FTO: variants seen among roughly 807,000 people sequenced by gnomAD.
The protein encoded by FTO is FTO alpha-ketoglutarate dependent dioxygenase, also known as alpha-ketoglutarate-dependent dioxygenase FTO.
A neutral mutation model predicts 63.9 loss-of-function variants in FTO; 47 were observed. That is an observed-to-expected ratio of 0.74 (90% CI 0.58 to 0.94). The LOEUF (loss-of-function observed/expected upper bound fraction) is 0.94, where lower values mean the gene tolerates loss of function less well. FTO is among the 40% of genes least tolerant of loss of function. The probability of loss-of-function intolerance (pLI) is 0.00; values close to 1 mark genes in which losing one functional copy is unlikely to be tolerated. For missense variants in FTO, 562 were observed against 618.1 expected (o/e 0.91, Z 0.96); for synonymous variants, 207 against 224.4 (o/e 0.92, Z 0.69).
intron 8 of FTO, among the ~76,000 whole-genome samples, chr16:53,962,334 A>G (rs541878673): frequency 2.7e-4 from 41 of 152,232 alleles, no homozygotes; most frequent in Non-Finnish European, 5.0e-4. Context: ...ACTGACCCCA[A>G]TCATAACGTT....
At chr16:53,977,208 A>G (rs2083452560) in intron 8 of FTO, among the ~76,000 whole-genome samples, 1 of 152,060 alleles carries the variant, frequency 6.6e-6, no homozygotes, top group Non-Finnish European at 1.5e-5. Flanking sequence ...TTAATCAGAT[A>G]TTGTTTTGAG....
chr16:53,866,635 G>A (rs1014098531), intron 4 of FTO, among the ~76,000 whole-genome samples: 3 of 151,870 alleles, frequency 2.0e-5, no homozygotes, highest in African/African-American at 7.3e-5. Context: ...ATTTTTTATA[G>A]GTTTTCAGAT....
At chr16:53,959,037 T>C (rs2083002357) in intron 8 of FTO, among the ~76,000 whole-genome samples, 1 of 152,250 alleles carries the variant, frequency 6.6e-6, no homozygotes, top group Non-Finnish European at 1.5e-5. Context: ...ATAATAATAC[T>C]AACTAGTACA....
At chr16:53,985,557 AAAG>A (rs2083646902) in intron 8 of FTO, among the ~76,000 whole-genome samples, 1 of 152,176 alleles carries the variant, frequency 6.6e-6, no homozygotes, top group Non-Finnish European at 1.5e-5. Context: ...TTTATAAATA[AAAG>A]AAGAATAAAC....
At position 54,115,810 on chromosome 16, in the gene FTO, C is replaced by G. The variant is rs2086971220; in HGVS notation, c.*3895C>G. The G allele has an allele frequency of 6.6e-6, 1 of 152,210 alleles. No homozygotes were observed. Among genetic ancestry groups the G allele is most frequent in the Admixed American group, 6.5e-5 (1 of 15,282 alleles). 9.4% of individuals were successfully genotyped at this position (152,210 alleles called of 1,614,324 possible). A position where few individuals can be genotyped will look rare whatever the true frequency, so the allele number is the denominator to read the frequency against. On this transcript the variant is annotated 3_prime_UTR_variant, in exon 9 of 9. Transcript: ENST00000471389. ...TATTTTTATGCATTAGATCATCGCT[C>G]TATCTGGATTCCAGAGGGTCTCTGA...
At chr16:53,857,665 C>T (rs887557135) in intron 4 of FTO, among the ~76,000 whole-genome samples, 5 of 152,120 alleles carry the variant, frequency 3.3e-5, no homozygotes, top group African/African-American at 1.2e-4. Context: ...CTCCTTCCCC[C>T]ACACAAAGGG....
At position 53,945,373 on chromosome 16, in the gene FTO, G is replaced by C. The variant is rs536333658; in HGVS notation, c.1364+11264G>C. Reference sequence around the variant, plus strand: ...GAAAACCGAGGCACAGAGGTGCAGAGTAACTTGCCCAAGGCAACAGCTAGT... The same window carrying C: ...GAAAACCGAGGCACAGAGGTGCAGACTAACTTGCCCAAGGCAACAGCTAGT... On this transcript the variant is annotated intron_variant, in intron 8 of 8. Coordinates refer to ENST00000471389, the MANE Select transcript of FTO (RefSeq NM_001080432.3). Among the ~76,000 whole-genome samples the C allele has an allele frequency of 8.5e-5, 13 of 152,360 alleles. No homozygotes were observed. In the South Asian group the frequency reaches 1.2e-3, roughly 15 times the overall value.
At chr16:53,790,884 A>C (rs1273377746) in intron 1 of FTO, among the ~76,000 whole-genome samples, 1 of 152,172 alleles carries the variant, frequency 6.6e-6, no homozygotes, top group Non-Finnish European at 1.5e-5. Flanking sequence ...GCTCTTTAGG[A>C]AGTTTAGTAG....
At chr16:53,807,595 T>G (rs1483693142) in intron 1 of FTO, among the ~76,000 whole-genome samples, 2 of 152,208 alleles carry the variant, frequency 1.3e-5, no homozygotes, top group Non-Finnish European at 2.9e-5. Context: ...ATATGTAGAT[T>G]AGCTTTACTG....
intron 1 of FTO, among the ~76,000 whole-genome samples, chr16:53,710,165 A>G (rs992408028): frequency 6.9e-6 from 1 of 145,370 alleles, no homozygotes; most frequent in African/African-American, 2.7e-5. Context: ...TGTGCAAGCT[A>G]TCTTTTATTT....
intron 2 of FTO, among the ~76,000 whole-genome samples, chr16:53,817,249 C>T (rs1381330461): frequency 1.3e-5 from 2 of 152,154 alleles, no homozygotes; most frequent in Admixed American, 6.5e-5. Flanking sequence ...GCACATGTTA[C>T]CTCAAGTCTT....
At chr16:54,052,629 G>A (rs2085338383) in intron 8 of FTO, 1 of 152,224 alleles carries the variant, frequency 6.6e-6, no homozygotes, top group South Asian at 2.1e-4. Flanking sequence ...TCCATGTGGA[G>A]CATTATGGTT....
intron 1 of FTO, among the ~76,000 whole-genome samples, chr16:53,767,982 T>C (rs1415167765): frequency 6.6e-6 from 1 of 152,246 alleles, no homozygotes; most frequent in African/African-American, 2.4e-5. Flanking sequence ...AGGTGCATAA[T>C]ATAATGCCTG....
At chr16:53,978,022 A>G (rs1351336307) in intron 8 of FTO, among the ~76,000 whole-genome samples, 2 of 152,110 alleles carry the variant, frequency 1.3e-5, no homozygotes, top group African/African-American at 4.8e-5. Context: ...ATGACTGGCT[A>G]ATTTTTAAAA....
At chr16:53,834,801 A>G (rs2079244747) in intron 3 of FTO, among the ~76,000 whole-genome samples, 1 of 152,158 alleles carries the variant, frequency 6.6e-6, no homozygotes, top group South Asian at 2.1e-4. Context: ...GTAGTTGATA[A>G]CATACTTACA....
rs150949765 is a variant in FTO, at chr16:53,876,776, A to T, written c.975+2911A>T. On this transcript the variant is annotated intron_variant, in intron 5 of 8. Transcript: ENST00000471389. ...ACCCCGTCTTTACTAAAAATTCAAA[A>T]ATTAGCCAGGTGTGGTGCCACATGC... 4.8e-3 allele frequency among the ~76,000 whole-genome samples: 729 copies of T among 152,236 alleles called. 8 individuals are homozygous for T. Among genetic ancestry groups the T allele is most frequent in the African/African-American group, 0.017 (686 of 41,548 alleles).
At chr16:53,742,430 C>T (rs527439409) in intron 1 of FTO, among the ~76,000 whole-genome samples, 66 of 152,160 alleles carry the variant, frequency 4.3e-4, no homozygotes, top group African/African-American at 8.7e-4. Flanking sequence ...AGAAAAATTT[C>T]GATAATAGAC....
chr16:54,091,871 T>C (rs892347013), intron 8 of FTO, among the ~76,000 whole-genome samples: 3 of 152,206 alleles, frequency 2.0e-5, no homozygotes, highest in Non-Finnish European at 4.4e-5. Context: ...ATAATAATCA[T>C]AGCAACCTGA....
At chr16:54,104,957 G>A (rs980618535) in intron 8 of FTO, among the ~76,000 whole-genome samples, 1 of 152,202 alleles carries the variant, frequency 6.6e-6, no homozygotes, top group Non-Finnish European at 1.5e-5. Flanking sequence ...TAAGAAGAGG[G>A]ATACTGAGGC....
Sources: allele counts gnomAD v4.1 joint callset (sites outside exome capture counted in the v4.1 genomes callset), GRCh38; gene constraint gnomAD v4.1.1; transcripts MANE v1.5; gene names NCBI Gene and HGNC (gene_info 2026-07-23, HGNC 2026-07-21).